The following RERE variants were observed in gnomAD, a reference collection of about 807,000 sequenced individuals.
The protein encoded by RERE is arginine-glutamic acid dipeptide repeats.
In RERE, 40 loss-of-function variants were observed where a neutral mutation model predicts 146.1. The ratio of observed to expected loss-of-function variants is 0.27; its 90% CI spans 0.21 to 0.36. RERE has a LOEUF of 0.36. RERE is among the 10% of genes least tolerant of loss of function. The pLI, the probability that RERE is intolerant of heterozygous loss-of-function variation, is 1.00. For synonymous variants in RERE, 1,003 were observed against 866.0 expected (o/e 1.16, Z -2.78); for missense variants, 1,933 against 2,138.7 (o/e 0.90, Z 1.90).
chr1:8,768,521 A>T (rs1394614684), intron 1 of RERE, among the ~76,000 whole-genome samples: 1 of 152,256 alleles, frequency 6.6e-6, no homozygotes. Flanking sequence ...GGTCACATGT[A>T]GCCACTGAAC....
At chr1:8,732,531 A>C (rs1010569850) in intron 1 of RERE, among the ~76,000 whole-genome samples, 1 of 152,024 alleles carries the variant, frequency 6.6e-6, no homozygotes, top group Non-Finnish European at 1.5e-5. Flanking sequence ...CATGGAGCAC[A>C]GAAGTTTTAA....
intron 12 of RERE, among the ~76,000 whole-genome samples, chr1:8,421,252 G>A (rs962228677): frequency 3.3e-5 from 5 of 152,122 alleles, no homozygotes; most frequent in African/African-American, 1.2e-4. Flanking sequence ...TTTTTACTCA[G>A]CCAAACCAAA....
chr1:8,622,510 A>AAAAC (rs1553123240), intron 3 of RERE, among the ~76,000 whole-genome samples: 10 of 77,176 alleles, frequency 1.3e-4, no homozygotes, highest in East Asian at 1.4e-3. Flanking sequence ...AAAAAAAAAA[A>AAAAC]ACACACTTTG....
At chr1:8,692,235 G>A (rs1158073144) in intron 1 of RERE, among the ~76,000 whole-genome samples, 1 of 151,974 alleles carries the variant, frequency 6.6e-6, no homozygotes, top group Non-Finnish European at 1.5e-5. Context: ...GTCATCCCTC[G>A]GTATCCAAGG....
At chr1:8,384,407 G>C in intron 12 of RERE, among the ~76,000 whole-genome samples, 2 of 152,248 alleles carry the variant, frequency 1.3e-5, no homozygotes, top group South Asian at 4.1e-4. Context: ...GATGCCATGA[G>C]GTACTAAAAC....
Position 8,373,206 on chromosome 1 carries a change from C to T in RERE, c.1285-7232G>A, listed in dbSNP as rs549246498. ...TCTTTAAGACACAAGATTATCTGTT[C>T]CTATGGCTAAACAAATATTTTAACA... On this transcript the variant is annotated intron_variant, in intron 12 of 22. Coordinates refer to ENST00000400908, the MANE Select transcript of RERE (RefSeq NM_001042681.2). Among the ~76,000 whole-genome samples, 4 of 152,158 alleles carry T rather than the reference C, an allele frequency of 2.6e-5. No individual in the cohort carries two copies. In the South Asian group the frequency reaches 8.3e-4, roughly 32 times the overall value.
At chr1:8,664,827 AT>A (rs1284154533) in intron 1 of RERE, among the ~76,000 whole-genome samples, 8 of 152,278 alleles carry the variant, frequency 5.3e-5, no homozygotes, top group African/African-American at 1.7e-4. Context: ...CAGGTTCTTG[AT>A]TAGTCTCTTC....
intron 11 of RERE, among the ~76,000 whole-genome samples, chr1:8,433,337 C>T (rs1644120968): frequency 6.6e-6 from 1 of 152,180 alleles, no homozygotes; most frequent in South Asian, 2.1e-4. Context: ...GACATCTTGT[C>T]TTGCATGCTA....
intron 10 of RERE, among the ~76,000 whole-genome samples, chr1:8,470,104 C>A (rs1394508464): frequency 6.6e-6 from 1 of 152,138 alleles, no homozygotes; most frequent in East Asian, 1.9e-4. Flanking sequence ...TGTTGTCTGG[C>A]TGGCCTCTTA....
intron 11 of RERE, among the ~76,000 whole-genome samples, chr1:8,461,427 A>G (rs1316796626): frequency 6.6e-6 from 1 of 152,176 alleles, no homozygotes; most frequent in Non-Finnish European, 1.5e-5. Flanking sequence ...AAACTGACCT[A>G]GCATTTCTTC....
At chr1:8,377,163 T>C (rs1002562987) in intron 12 of RERE, among the ~76,000 whole-genome samples, 2 of 152,240 alleles carry the variant, frequency 1.3e-5, no homozygotes, top group Admixed American at 1.3e-4. Context: ...AAGCTCAGGC[T>C]GAACTGAAAG....
At chr1:8,787,830 C>CAAA (rs1254862943) in intron 1 of RERE, among the ~76,000 whole-genome samples, 23 of 117,906 alleles carry the variant, frequency 2.0e-4, no homozygotes, top group African/African-American at 4.8e-4. Context: ...GACTCTGCCT[C>CAAA]AAAAAAAAAA....
rs57814312 is a variant in RERE, at chr1:8,711,157, C to CAAA, written c.-144-54719_-144-54717dup. ...GGGTGACAGAGTGTGACTCTGTCTC[C>CAAA]AAAAAAAAAAAAAAAAAAAAAAAAA... On this transcript the variant is annotated intron_variant, in intron 1 of 22. Coordinates refer to ENST00000400908, the MANE Select transcript of RERE (RefSeq NM_001042681.2). Among the ~76,000 whole-genome samples the CAAA allele has an allele frequency of 5.9e-3, 403 of 68,270 alleles. 22 individuals carry two copies. The highest frequency in any genetic ancestry group is 0.041 in the Middle Eastern group (3 of 74). 44.8% of individuals were successfully genotyped at this position (68,270 alleles called of 152,430 possible). A position where few individuals can be genotyped will look rare whatever the true frequency, so the allele number is the denominator to read the frequency against.
chr1:8,814,942 A>G (rs1641882620), intron 1 of RERE, among the ~76,000 whole-genome samples: 1 of 152,260 alleles, frequency 6.6e-6, no homozygotes, highest in Non-Finnish European at 1.5e-5. Context: ...GTCAAAGGAC[A>G]TCTGTATTAG....
chr1:8,564,826 A>ATATATGTGTG (rs1384858524), intron 4 of RERE, among the ~76,000 whole-genome samples: 6 of 117,938 alleles, frequency 5.1e-5, no homozygotes, highest in South Asian at 2.7e-4. Context: ...GTGTGTGTAT[A>ATATATGTGTG]TGTGTATGTG....
At chr1:8,401,037 CCATATATAT>C (rs1270370000) in intron 12 of RERE, among the ~76,000 whole-genome samples, 69 of 5,614 alleles carry the variant, frequency 0.012, 1 homozygote, top group African/African-American at 0.024. Flanking sequence ...AAAAAAAAAA[CCATATATAT>C]ATATATATAT....
At chr1:8,513,193 G>C (rs1035802002) in intron 7 of RERE, among the ~76,000 whole-genome samples, 2 of 152,088 alleles carry the variant, frequency 1.3e-5, no homozygotes, top group Admixed American at 1.3e-4. Flanking sequence ...AACATCCCAA[G>C]AAATCTAAAT....
At chr1:8,596,945 T>C (rs1009278843) in intron 4 of RERE, among the ~76,000 whole-genome samples, 1 of 152,198 alleles carries the variant, frequency 6.6e-6, no homozygotes, top group Non-Finnish European at 1.5e-5. Context: ...AAATTTCACC[T>C]TTAATAATCT....
At chr1:8,397,588 G>GAAA (rs34958833) in intron 12 of RERE, among the ~76,000 whole-genome samples, 23 of 138,632 alleles carry the variant, frequency 1.7e-4, no homozygotes, top group African/African-American at 5.7e-4. Flanking sequence ...ACTCACACAG[G>GAAA]AAAAAAAAAA....
Sources: gnomAD v4.1 joint callset for allele counts (sites outside exome capture counted in the v4.1 genomes callset) on GRCh38, gnomAD v4.1.1 for gene constraint, MANE v1.5 for transcripts, NCBI Gene and HGNC (gene_info 2026-07-23, HGNC 2026-07-21) for gene names.